RASGRF1: variants seen among roughly 807,000 people sequenced by gnomAD.
RASGRF1 encodes Ras protein specific guanine nucleotide releasing factor 1, also known as ras-specific guanine nucleotide-releasing factor 1.
A neutral mutation model predicts 138.7 loss-of-function variants in RASGRF1; 40 were observed. The ratio of observed to expected loss-of-function variants is 0.29; its 90% CI spans 0.22 to 0.38. The LOEUF is 0.38. RASGRF1 is among the 10% of genes least tolerant of loss of function. The pLI is 1.00. For synonymous variants in RASGRF1, 614 were observed against 663.2 expected (o/e 0.93, Z 1.14); for missense variants, 1,108 against 1,650.4 (o/e 0.67, Z 5.69).
intron 1 of RASGRF1, among the ~76,000 whole-genome samples, chr15:79,068,984 T>C (rs1471572584): frequency 1.3e-5 from 2 of 152,122 alleles, no homozygotes; most frequent in Non-Finnish European, 2.9e-5. Context: ...ACCACAGGCC[T>C]GGCCGGGCTT....
At position 79,090,589 on chromosome 15, in the gene RASGRF1, GCGCTCGCT is replaced by G; in HGVS notation, c.-99_-92del. ...GCGCGCTGCGCGCTGCCTCTCTCTG[GCGCTCGCT>G]CGCTCGCTCCCTCTAGCTCTCCCCT... On this transcript the variant is annotated 5_prime_UTR_variant, in exon 1 of 27. Transcript: ENST00000558480. The G allele has an allele frequency of 6.5e-7, 1 of 1,539,030 alleles. No homozygotes were observed. The highest frequency in any genetic ancestry group is 8.8e-7 in the Non-Finnish European group (1 of 1,140,638).
chr15:79,069,639 G>A (rs758363126), intron 1 of RASGRF1, among the ~76,000 whole-genome samples: 20 of 152,292 alleles, frequency 1.3e-4, no homozygotes, highest in Middle Eastern at 3.4e-3. Context: ...AGATATTTTG[G>A]TGATGGTATC....
At position 79,073,519 on chromosome 15, in the gene RASGRF1, G is replaced by C. The variant is rs554698050; in HGVS notation, c.277-8993C>G. Among the ~76,000 whole-genome samples, 1 of 152,164 alleles carries C rather than the reference G, an allele frequency of 6.6e-6. No homozygotes were observed. Among genetic ancestry groups the C allele is most frequent in the Non-Finnish European group, 1.5e-5 (1 of 68,022 alleles). On this transcript the variant is annotated intron_variant, in intron 1 of 26. Transcript: ENST00000558480. This position sits in a 1 kb window ranked among gnomAD's most constrained non-coding sequence, Gnocchi z 4.2. ...GGGTTGTGAGAGACGAGAAGGGCAG[G>C]TGAGGAGGAGGTGTGAGGCCAAGCA...
At chr15:79,074,484 T>C (rs1282261688) in intron 1 of RASGRF1, among the ~76,000 whole-genome samples, 1 of 152,174 alleles carries the variant, frequency 6.6e-6, no homozygotes, top group Non-Finnish European at 1.5e-5. Context: ...CACCAGGTTG[T>C]GAGGGCAGGG....
chr15:79,051,199 G>A (rs528837388), intron 3 of RASGRF1, among the ~76,000 whole-genome samples: 1 of 152,310 alleles, frequency 6.6e-6, no homozygotes, highest in Admixed American at 6.5e-5. Context: ...TGAACCACAG[G>A]ATGAATGGGC....
rs926231746 is a variant in RASGRF1, at chr15:79,006,747, C to T, written c.1827-313G>A. Among the ~76,000 whole-genome samples, 1 of 152,246 alleles carries T rather than the reference C, an allele frequency of 6.6e-6. No individual in the cohort carries two copies. Among genetic ancestry groups the T allele is most frequent in the Non-Finnish European group, 1.5e-5 (1 of 68,046 alleles). ...TGTATGTGGATGGGGTGCAGTGGCT[C>T]ACGCCTGTAATCCCAGCACTTTGGG... On this transcript the variant is annotated intron_variant, in intron 13 of 26. Coordinates refer to ENST00000558480, the MANE Select transcript of RASGRF1 (RefSeq NM_001145648.3). The surrounding 1 kb of genome is among the most constrained non-coding windows in gnomAD (Gnocchi z 4.0).
At chr15:79,018,686 G>T (rs943862608) in intron 11 of RASGRF1, among the ~76,000 whole-genome samples, 1 of 152,288 alleles carries the variant, frequency 6.6e-6, no homozygotes, top group African/African-American at 2.4e-5. Flanking sequence ...GTCCCTTCCA[G>T]TTCTGACACC....
intron 9 of RASGRF1, among the ~76,000 whole-genome samples, chr15:79,026,842 G>T (rs2057063838): frequency 6.6e-6 from 1 of 152,276 alleles, no homozygotes. Context: ...AGCCCAAGGG[G>T]AGCTGAGAAA....
rs916816579 is a variant in RASGRF1, at chr15:78,990,171, G to A, written c.3216+18C>T. The stretch of plus-strand genomic sequence containing the variant: ...AAAGAAAAACCCCAGTGAGAGAGGC[G>A]CTCCCATCCATACTCACGTCATTGA... On this transcript the variant is annotated intron_variant, in intron 22 of 26. Transcript: ENST00000558480. 7.1e-6 allele frequency: 11 copies of A among 1,550,210 alleles called. No individual in the cohort carries two copies. The highest frequency in any genetic ancestry group is 2.2e-5 in the East Asian group (1 of 44,590).
At chr15:79,004,903 A>C in intron 14 of RASGRF1, 1 of 981,430 alleles carries the variant, frequency 1.0e-6, no homozygotes, top group Non-Finnish European at 1.2e-6. Context: ...TAACTGCAGG[A>C]ATGTCACAGG....
Position 79,018,029 on chromosome 15 carries a change from A to T in RASGRF1, c.1607-123T>A, listed in dbSNP as rs960643033. The T allele has an allele frequency of 2.4e-5, 28 of 1,179,040 alleles. No homozygotes were observed. In the Admixed American group the frequency reaches 5.6e-4, roughly 24 times the overall value. 73.0% of individuals were successfully genotyped at this position (1,179,040 alleles called of 1,614,324 possible). On this transcript the variant is annotated intron_variant, in intron 11 of 26. Coordinates refer to ENST00000558480, the MANE Select transcript of RASGRF1 (RefSeq NM_001145648.3). ...TCTGCGTTGGTAAGGCACCAGGCCAATTGCTGCTACTTTCAGAATATTATT... is the reference window on the plus strand; with the variant it reads ...TCTGCGTTGGTAAGGCACCAGGCCATTTGCTGCTACTTTCAGAATATTATT...
At position 79,062,433 on chromosome 15, in the gene RASGRF1, C is replaced by T. The variant is rs191290323; in HGVS notation, c.383+1987G>A. On this transcript the variant is annotated intron_variant, in intron 2 of 26. Coordinates refer to ENST00000558480, the MANE Select transcript of RASGRF1 (RefSeq NM_001145648.3). ...TATAAAACCCTCAATGGCTTCCCACCGTTCACAGGGGAAAGGTCAAACACC... is the reference window on the plus strand; with the variant it reads ...TATAAAACCCTCAATGGCTTCCCACTGTTCACAGGGGAAAGGTCAAACACC... Among the ~76,000 whole-genome samples the T allele has an allele frequency of 5.3e-5, 8 of 152,294 alleles. No homozygotes were observed. In the East Asian group the frequency reaches 7.7e-4, roughly 15 times the overall value.
chr15:78,983,208 C>T (rs1225875882), intron 23 of RASGRF1, among the ~76,000 whole-genome samples: 1 of 152,258 alleles, frequency 6.6e-6, no homozygotes, highest in African/African-American at 2.4e-5. Flanking sequence ...GGGCCAGGTG[C>T]TGTGCAGACA....
intron 13 of RASGRF1, chr15:79,012,438 GTC>G (rs748658278): frequency 2.5e-3 from 3,057 of 1,205,482 alleles, no homozygotes; most frequent in Non-Finnish European, 3.0e-3. Context: ...ATCTCTCTAT[GTC>G]TCTCTCTCTC....
intron 24 of RASGRF1, among the ~76,000 whole-genome samples, chr15:78,979,529 G>T (rs2055971807): frequency 6.6e-6 from 1 of 152,218 alleles, no homozygotes. Flanking sequence ...CGAGTAGCCA[G>T]TCAGGCGAGG....
chr15:78,973,616 G>A lies in RASGRF1; in HGVS notation c.3495-196C>T, dbSNP rs1367854412. On this transcript the variant is annotated intron_variant, in intron 24 of 26. Transcript: ENST00000558480. This position sits in a 1 kb window ranked among gnomAD's most constrained non-coding sequence, Gnocchi z 4.9. ...GCTGGGTCTCAGGGCCAGTCCTCTG[G>A]GGTGGTGGGGGCAACATGGTGCTGA... 6.6e-6 allele frequency among the ~76,000 whole-genome samples: 1 copy of A among 152,042 alleles called. No homozygotes were observed. The highest frequency in any genetic ancestry group is 2.4e-5 in the African/African-American group (1 of 41,366).
Position 78,985,162 on chromosome 15 carries a change from T to C in RASGRF1, c.3259A>G (p.Ile1087Val), listed in dbSNP as rs1239065822. ...IASEIIRNED[I>V]NARVSAIEKW... Reference sequence around the variant, plus strand: ...TCGATGGCGCTCACCCTGGCGTTGATGTCCTCATTGCGGATGATTTCTGAA... The same window carrying C: ...TCGATGGCGCTCACCCTGGCGTTGACGTCCTCATTGCGGATGATTTCTGAA... Residue 1087 changes from isoleucine (I) to valine (V), a missense_variant, in exon 23 of 27, where the codon ATC becomes GTC. Physicochemically the swap from Ile to Val is conservative, Grantham distance 29 (BLOSUM62 3). Transcript: ENST00000558480. 3 of 1,613,380 alleles carry C rather than the reference T, an allele frequency of 1.9e-6. No homozygotes were observed. Among genetic ancestry groups the C allele is most frequent in the Non-Finnish European group, 2.5e-6 (3 of 1,179,270 alleles).
chr15:79,026,128 T>C (rs1360706713), intron 9 of RASGRF1, among the ~76,000 whole-genome samples: 1 of 152,026 alleles, frequency 6.6e-6, no homozygotes, highest in East Asian at 1.9e-4. Context: ...CCCACCCTAA[T>C]ACATACCCTT....
intron 26 of RASGRF1, among the ~76,000 whole-genome samples, chr15:78,967,825 T>C (rs1007384344): frequency 6.6e-6 from 1 of 152,160 alleles, no homozygotes; most frequent in African/African-American, 2.4e-5. Flanking sequence ...AATAGTGTAG[T>C]GTTTCCCCCA....
Sources: allele counts gnomAD v4.1 joint callset (sites outside exome capture counted in the v4.1 genomes callset), GRCh38; gene constraint gnomAD v4.1.1; non-coding constraint Gnocchi (gnomAD v3.1); transcripts MANE v1.5; gene names NCBI Gene and HGNC (gene_info 2026-07-23, HGNC 2026-07-21).